The following EDAR variants were observed in gnomAD, a reference collection of about 807,000 sequenced individuals.
EDAR encodes ectodysplasin A receptor, also known as tumor necrosis factor receptor superfamily member EDAR.
In EDAR, 38 loss-of-function variants were observed where a neutral mutation model predicts 51.3. That is an observed-to-expected ratio of 0.74 (90% CI 0.57 to 0.97). EDAR has a LOEUF of 0.97. Among genes scored for constraint, EDAR ranks in the 50% least tolerant of loss-of-function variants. The pLI, the probability that EDAR is intolerant of heterozygous loss-of-function variation, is 0.00. For synonymous variants in EDAR, 227 were observed against 242.1 expected, an observed-to-expected ratio of 0.94 and a Z score of 0.58; for missense variants, 528 against 595.0, an observed-to-expected ratio of 0.89 and a Z score of 1.17.
intron 1 of EDAR, among the ~76,000 whole-genome samples, chr2:108,964,332 C>T (rs1233992685): frequency 1.3e-5 from 2 of 152,090 alleles, no homozygotes; most frequent in African/African-American, 2.4e-5. Context: ...ATCTGGACTC[C>T]AGTTCAAGTC....
rs190657072 is a variant in EDAR at position 108,974,322 on chromosome 2, T to A, written c.-19+14638A>T. ...TATAGCCTGGGAGACAGAGCGAGGA[T>A]CCGTCTCAAAAAAAAAAAAAAAAAA... On this transcript the variant is annotated intron_variant, in intron 1 of 11. Coordinates refer to ENST00000258443, the MANE Select transcript of EDAR (RefSeq NM_022336.4). 2.1e-3 allele frequency among the ~76,000 whole-genome samples: 183 copies of A among 87,154 alleles called. 1 individual carries two copies. The highest frequency in any genetic ancestry group is 8.3e-3 in the African/African-American group (173 of 20,786). The allele number at this position is 87,154 out of a possible 152,430, so 57.2% of individuals were successfully genotyped here.
chr2:108,931,063 G>C (rs1191932155), intron 1 of EDAR, 31 bp from the exon 2 acceptor site: 1 of 1,595,014 alleles, frequency 6.3e-7, no homozygotes, highest in Non-Finnish European at 8.6e-7. Context: ...GCTGGGCACT[G>C]GCGGTAGCAC....
At position 108,915,245 on chromosome 2, in the gene EDAR, C is replaced by T. The variant is rs371922861; in HGVS notation, c.443-2481G>A. On this transcript the variant is annotated intron_variant, in intron 5 of 11. Coordinates refer to ENST00000258443, the MANE Select transcript of EDAR (RefSeq NM_022336.4). ...TTTAGTAGGAAGTTCTCAGGAGAAA[C>T]GCACACTCTTGTTCTGTGAGTGGGG... 2.4e-4 allele frequency among the ~76,000 whole-genome samples: 36 copies of T among 152,282 alleles called. No homozygotes were observed. In the South Asian group the frequency reaches 7.3e-3, roughly 31 times the overall value.
chr2:108,926,312 C>T (rs913122350), intron 4 of EDAR, among the ~76,000 whole-genome samples: 1 of 152,210 alleles, frequency 6.6e-6, no homozygotes, highest in Non-Finnish European at 1.5e-5. Context: ...CCCCCAACCC[C>T]TGTTCTACAT....
chr2:108,961,986 T>C (rs1276220076), intron 1 of EDAR, among the ~76,000 whole-genome samples: 1 of 152,226 alleles, frequency 6.6e-6, no homozygotes, highest in African/African-American at 2.4e-5. Context: ...AGCTGTAAGA[T>C]AAGTCATGAG....
At chr2:108,949,541 C>T (rs916060460) in intron 1 of EDAR, among the ~76,000 whole-genome samples, 3 of 152,196 alleles carry the variant, frequency 2.0e-5, no homozygotes, top group African/African-American at 7.2e-5. Context: ...TAGCTAACAG[C>T]CTCCAAACCA....
chr2:108,929,702 G>A (rs1286368866), intron 3 of EDAR, among the ~76,000 whole-genome samples: 2 of 152,142 alleles, frequency 1.3e-5, no homozygotes, highest in East Asian at 1.9e-4. Context: ...TACAAGAACC[G>A]GACACTGAAA....
intron 1 of EDAR, among the ~76,000 whole-genome samples, chr2:108,936,088 C>G (rs551188760): frequency 1.3e-5 from 2 of 152,348 alleles, no homozygotes; most frequent in East Asian, 3.9e-4. Flanking sequence ...GATGGTCCAG[C>G]CTCCGGGACT....
At chr2:108,930,029 T>G in intron 3 of EDAR, 91 bp downstream of exon 3, 2 of 1,475,264 alleles carry the variant, frequency 1.4e-6, no homozygotes, top group South Asian at 1.3e-5. Flanking sequence ...TGGCATCCCC[T>G]CACACAGCAA....
At chr2:108,956,089 T>C (rs1697920562) in intron 1 of EDAR, among the ~76,000 whole-genome samples, 1 of 152,208 alleles carries the variant, frequency 6.6e-6, no homozygotes, top group Non-Finnish European at 1.5e-5. Flanking sequence ...ACTTGTGGTT[T>C]GACTGTTTCA....
chr2:108,980,204 C>G (rs929403758), intron 1 of EDAR, among the ~76,000 whole-genome samples: 3 of 152,170 alleles, frequency 2.0e-5, no homozygotes, highest in African/African-American at 7.2e-5. Flanking sequence ...TGTTCTTTAA[C>G]CCCAGCTCAT....
chr2:108,961,850 T>G (rs376955042), intron 1 of EDAR, among the ~76,000 whole-genome samples: 2 of 152,182 alleles, frequency 1.3e-5, no homozygotes, highest in South Asian at 2.1e-4. Context: ...TAATGGCCCC[T>G]GTGCTGGAAA....
chr2:108,968,137 G>C (rs1240517059), intron 1 of EDAR, among the ~76,000 whole-genome samples: 3 of 152,148 alleles, frequency 2.0e-5, no homozygotes, highest in Non-Finnish European at 4.4e-5. Context: ...ACCACCTGGG[G>C]AAGGCGCCGT....
chr2:108,946,491 A>G (rs776661314), intron 1 of EDAR, among the ~76,000 whole-genome samples: 31 of 152,200 alleles, frequency 2.0e-4, no homozygotes, highest in Non-Finnish European at 4.0e-4. Flanking sequence ...CATATTTTAC[A>G]TACTAAAAAG....
chr2:108,969,524 G>C (rs1189875518), intron 1 of EDAR, among the ~76,000 whole-genome samples: 1 of 152,220 alleles, frequency 6.6e-6, no homozygotes, highest in Admixed American at 6.5e-5. Flanking sequence ...TTGGCATGAA[G>C]CAGACCTTTA....
intron 10 of EDAR, 138 bp downstream of exon 10, chr2:108,907,722 T>C (rs1432044805): frequency 2.1e-6 from 2 of 955,432 alleles, no homozygotes; most frequent in Non-Finnish European, 3.3e-6. Flanking sequence ...AACTTGTCAC[T>C]GTCCAGGTCT....
intron 1 of EDAR, among the ~76,000 whole-genome samples, chr2:108,984,298 C>G (rs1041536429): frequency 1.3e-5 from 2 of 152,118 alleles, no homozygotes; most frequent in South Asian, 4.1e-4. Flanking sequence ...CAGCAACCGG[C>G]GTGGCATGGG....
rs541065066 is a variant in EDAR at position 108,914,185 on chromosome 2, G to C, written c.443-1421C>G. Among the ~76,000 whole-genome samples, 3 of 150,720 alleles carry C rather than the reference G, an allele frequency of 2.0e-5. No homozygotes were observed. The South Asian group carries it at 6.3e-4, about 32-fold the overall frequency. ...TGAGGTAGGAGAATCGCTTGAACCCGGGAGGTGGAGGTTGCAGTGAGCCGA... is the reference window on the plus strand; with the variant it reads ...TGAGGTAGGAGAATCGCTTGAACCCCGGAGGTGGAGGTTGCAGTGAGCCGA... On this transcript the variant is annotated intron_variant, in intron 5 of 11. Transcript: ENST00000258443.
chr2:108,923,005 T>C (rs985396263), intron 5 of EDAR, among the ~76,000 whole-genome samples: 1 of 152,204 alleles, frequency 6.6e-6, no homozygotes, highest in East Asian at 1.9e-4. Flanking sequence ...CTTTGCAAAA[T>C]AGTAGTACTT....
Sources: gnomAD v4.1 joint callset for allele counts (sites outside exome capture counted in the v4.1 genomes callset) on GRCh38, gnomAD v4.1.1 for gene constraint, MANE v1.5 for transcripts, NCBI Gene and HGNC (gene_info 2026-07-23, HGNC 2026-07-21) for gene names.